The following IFT46 variants were observed in gnomAD, a reference collection of about 807,000 sequenced individuals.
IFT46 encodes the protein intraflagellar transport 46.
In IFT46, 19 loss-of-function variants were observed where a neutral mutation model predicts 39.6. That is an observed-to-expected ratio of 0.48 (90% confidence interval 0.33 to 0.70). The LOEUF (loss-of-function observed/expected upper bound fraction) is 0.70. Among genes scored for constraint, IFT46 ranks in the 30% least tolerant of loss-of-function variants. The pLI, the probability that IFT46 is intolerant of heterozygous loss-of-function variation, is 0.01. For missense variants in IFT46, 334 were observed against 364.8 expected (o/e 0.92, Z 0.69); for synonymous variants, 117 against 134.8 (o/e 0.87, Z 0.91).
intron 2 of IFT46, among the ~76,000 whole-genome samples, chr11:118,564,627 G>C (rs1938166363): frequency 6.6e-6 from 1 of 152,034 alleles, no homozygotes. Flanking sequence ...TTTTGGTTGG[G>C]GTTGCAGGCT....
intron 1 of IFT46, among the ~76,000 whole-genome samples, chr11:118,571,243 A>G (rs1192725017): frequency 6.6e-6 from 1 of 152,100 alleles, no homozygotes; most frequent in Non-Finnish European, 1.5e-5. Context: ...TAATATTCTC[A>G]AGGTTCATCC....
Position 118,545,848 on chromosome 11 carries a change from G to A in IFT46, c.678C>T (p.Ser226=). ...PEFEELLGKV[S]LPTAEIDCSL... is the part of the protein sequence containing the mutation. ...TGCAATCAATCTCTGCCGTGGGCAG[G>A]CTTACCTGGAAGGGGCATGGAAGGA... The change falls in exon 10 of 12, where the codon AGC becomes AGT. Residue 226 remains serine (S), a synonymous_variant. Transcript: ENST00000264021. The A allele has an allele frequency of 6.2e-7, 1 of 1,614,092 alleles. No homozygotes were observed. Among genetic ancestry groups the A allele is most frequent in the South Asian group, 1.1e-5 (1 of 91,082 alleles).
chr11:118,562,667 G>C (rs1555070765), intron 2 of IFT46, among the ~76,000 whole-genome samples: 1 of 152,124 alleles, frequency 6.6e-6, no homozygotes, highest in Non-Finnish European at 1.5e-5. Context: ...ATTGAAAACA[G>C]GGACTCAAAT....
At position 118,551,770 on chromosome 11, in the gene IFT46, G is replaced by C. The variant is rs1555068508; in HGVS notation, c.672+16C>G. 2 of 1,606,636 alleles carry C rather than the reference G, an allele frequency of 1.2e-6. No individual in the cohort carries two copies. Among genetic ancestry groups the C allele is most frequent in the East Asian group, 4.5e-5 (2 of 44,826 alleles). On this transcript the variant is annotated intron_variant, in intron 9 of 11. Coordinates refer to ENST00000264021, the MANE Select transcript of IFT46 (RefSeq NM_001168618.2). ...ACTGTACTTTCTTACCCTACCTCCT[G>C]CTACCTTCCACTCACCTTGCCCAAA... is the stretch of plus-strand genomic sequence containing the variant.
intron 3 of IFT46, chr11:118,557,908 G>A (rs782378581): frequency 3.9e-6 from 6 of 1,556,312 alleles, no homozygotes; most frequent in Non-Finnish European, 3.5e-6. Flanking sequence ...ATGACCAATT[G>A]GCCCCCTTTA....
intron 9 of IFT46, 181 bp from the exon 10 acceptor site, chr11:118,546,034 GGA>G: frequency 1.4e-6 from 1 of 711,146 alleles, no homozygotes; most frequent in Non-Finnish European, 2.6e-6. Flanking sequence ...GACTATATTT[GGA>G]GATAACATCT....
At chr11:118,567,676 T>C (rs182891648), upstream of IFT46, among the ~76,000 whole-genome samples, 301 of 152,318 alleles carry the variant, frequency 2.0e-3, no homozygotes, top group Middle Eastern at 3.4e-3. Context: ...CTTTAAAAAA[T>C]GAGAGACAGC....
chr11:118,549,002 TTC>T (rs1438523633), intron 9 of IFT46, among the ~76,000 whole-genome samples: 1 of 151,534 alleles, frequency 6.6e-6, no homozygotes, highest in Non-Finnish European at 1.5e-5. Context: ...GTTCAAGAGA[TTC>T]TCCTGCCTCA....
At chr11:118,560,806 G>C in intron 2 of IFT46, 2 of 738,710 alleles carry the variant, frequency 2.7e-6, no homozygotes, top group Non-Finnish European at 4.9e-6. Flanking sequence ...TGGTGATACA[G>C]GATAAAAATA....
At chr11:118,550,968 T>C (rs1591362226) in intron 9 of IFT46, among the ~76,000 whole-genome samples, 1 of 148,492 alleles carries the variant, frequency 6.7e-6, no homozygotes, top group African/African-American at 2.5e-5. Flanking sequence ...GGTACGGAGG[T>C]TGCAGTGAGC....
chr11:118,571,890 C>G (rs1232595199), intron 1 of IFT46, among the ~76,000 whole-genome samples: 1 of 152,072 alleles, frequency 6.6e-6, no homozygotes, highest in African/African-American at 2.4e-5. Context: ...AAGTTTGAGG[C>G]TAGCCTGGCC....
intron 1 of IFT46, chr11:118,572,538 C>T (rs1467164743): frequency 2.5e-6 from 4 of 1,611,370 alleles, no homozygotes; most frequent in Admixed American, 1.7e-5. Flanking sequence ...GCCCCACCAC[C>T]GCCCTCACCA....
chr11:118,551,795 A>C lies in IFT46; in HGVS notation c.663T>G (p.Leu221=). 6.2e-7 allele frequency: 1 copy of C among 1,614,044 alleles called. No individual in the cohort carries two copies. The highest frequency in any genetic ancestry group is 2.2e-5 in the East Asian group (1 of 44,888). ...GCTACCTTCCACTCACCTTGCCCAA[A>C]AGCTCTTCAAACTCCGGGGACCATT... is the stretch of plus-strand genomic sequence containing the variant. ...MQEWSPEFEE[L]LGKVSLPTAE... Residue 221 remains leucine, a synonymous_variant, in exon 9 of 12, where the codon CTT becomes CTG. Coordinates refer to ENST00000264021, the MANE Select transcript of IFT46 (RefSeq NM_001168618.2).
chr11:118,561,519 A>T, intron 2 of IFT46: 1 of 742,230 alleles, frequency 1.3e-6, no homozygotes, highest in Non-Finnish European at 2.4e-6. Context: ...CAGAAGAAAC[A>T]TCAGGTAGCT....
At chr11:118,554,647 G>C in intron 6 of IFT46, 60 bp from the exon 7 acceptor site, 1 of 1,517,974 alleles carries the variant, frequency 6.6e-7, no homozygotes, top group South Asian at 1.3e-5. Flanking sequence ...TTAAGAGGAA[G>C]AACACTTCTG....
chr11:118,555,154 A>G, intron 5 of IFT46, 71 bp from the exon 6 acceptor site: 2 of 1,532,378 alleles, frequency 1.3e-6, no homozygotes, highest in Middle Eastern at 1.7e-4. Context: ...CTAAAAAAAA[A>G]TCTAAGGGGA....
chr11:118,556,437 G>A (rs1937837632), intron 4 of IFT46, among the ~76,000 whole-genome samples: 1 of 152,062 alleles, frequency 6.6e-6, no homozygotes, highest in Non-Finnish European at 1.5e-5. Flanking sequence ...AGCTTGCAGT[G>A]AGCCGAGATC....
chr11:118,553,196 C>T lies in IFT46; in HGVS notation c.484-861G>A, dbSNP rs1188937783. Among the ~76,000 whole-genome samples, 5 of 152,286 alleles carry T rather than the reference C, an allele frequency of 3.3e-5. No individual in the cohort carries two copies. The East Asian group carries it at 7.7e-4, about 23-fold the overall frequency. On this transcript the variant is annotated intron_variant, in intron 7 of 11. Transcript: ENST00000264021. ...GTGGCTCACACCTATAATCCCAGCA[C>T]TTTGGGAGGCCGAGGTGGGTGGATC... is the stretch of plus-strand genomic sequence containing the variant.
chr11:118,574,928 G>C (rs544753787), upstream of IFT46, among the ~76,000 whole-genome samples: 1 of 151,940 alleles, frequency 6.6e-6, no homozygotes, highest in Non-Finnish European at 1.5e-5. Context: ...GCCTTGATTT[G>C]ATCTTTTTTT....
Sources: allele counts gnomAD v4.1 joint callset (sites outside exome capture counted in the v4.1 genomes callset), GRCh38; gene constraint gnomAD v4.1.1; transcripts MANE v1.5; gene names NCBI Gene and HGNC (gene_info 2026-07-23, HGNC 2026-07-21).